Variants in PDE4B observed in about 807,000 individuals in gnomAD.
The protein encoded by PDE4B is phosphodiesterase 4B, also known as 3',5'-cyclic-AMP phosphodiesterase 4B.
A neutral mutation model predicts 82.2 loss-of-function variants in PDE4B; 20 were observed. That is an observed-to-expected ratio of 0.24 (90% confidence interval 0.17 to 0.35). The LOEUF (loss-of-function observed/expected upper bound fraction) is 0.35. Among genes scored for constraint, PDE4B ranks in the 10% least tolerant of loss-of-function variants. PDE4B has a pLI of 1.00. For synonymous variants in PDE4B, 320 were observed against 318.9 expected (o/e 1.00, Z -0.04); for missense variants, 655 against 907.2 (o/e 0.72, Z 3.57).
chr1:66,369,335 T>C (rs1663501637), intron 16 of PDE4B, among the ~76,000 whole-genome samples: 1 of 152,230 alleles, frequency 6.6e-6, no homozygotes, highest in South Asian at 2.1e-4. Flanking sequence ...TCCTCATCCT[T>C]GCTTCCAGCC....
intron 3 of PDE4B, among the ~76,000 whole-genome samples, chr1:66,149,555 C>T (rs1604269): frequency 0.56 from 84,453 of 152,000 alleles, 25,307 homozygotes; most frequent in Non-Finnish European, 0.68. Context: ...TACTCCTGTG[C>T]TTTCTTCTGC....
intron 1 of PDE4B, among the ~76,000 whole-genome samples, chr1:65,882,550 T>C (rs1480014726): frequency 1.3e-5 from 2 of 152,174 alleles, no homozygotes; most frequent in Non-Finnish European, 2.9e-5. Context: ...GAAGACATAA[T>C]GGAATATTAT....
At chr1:65,828,599 A>C (rs1646046069) in intron 1 of PDE4B, among the ~76,000 whole-genome samples, 1 of 152,128 alleles carries the variant, frequency 6.6e-6, no homozygotes, top group Admixed American at 6.5e-5. Flanking sequence ...AAAATTGTAA[A>C]AATATATATT....
At chr1:66,279,103 C>T (rs1656100703) in intron 7 of PDE4B, among the ~76,000 whole-genome samples, 1 of 152,110 alleles carries the variant, frequency 6.6e-6, no homozygotes, top group South Asian at 2.1e-4. Flanking sequence ...AAACCATTTT[C>T]CATATAGGCC....
chr1:66,256,928 A>C (rs1289281070), intron 4 of PDE4B, among the ~76,000 whole-genome samples: 1 of 152,172 alleles, frequency 6.6e-6, no homozygotes, highest in Admixed American at 6.5e-5. Context: ...ATGTGGGTTT[A>C]AGTAGATTTC....
intron 7 of PDE4B, among the ~76,000 whole-genome samples, chr1:66,298,824 A>G (rs931067360): frequency 1.3e-5 from 2 of 152,140 alleles, no homozygotes; most frequent in Admixed American, 1.3e-4. Context: ...TGAGCTCATC[A>G]CTGTAACCTG....
chr1:66,218,337 G>C (rs1186572636), intron 3 of PDE4B, among the ~76,000 whole-genome samples: 1 of 152,112 alleles, frequency 6.6e-6, no homozygotes, highest in Admixed American at 6.6e-5. Context: ...TGGCCTCCAT[G>C]AGTGGGAAAT....
At chr1:66,234,837 G>T (rs1228517818) in intron 3 of PDE4B, among the ~76,000 whole-genome samples, 4 of 151,072 alleles carry the variant, frequency 2.6e-5, no homozygotes, top group African/African-American at 9.7e-5. Context: ...TGATTTATTT[G>T]CTTTTTCTTG....
intron 3 of PDE4B, among the ~76,000 whole-genome samples, chr1:66,186,216 C>A (rs1272988067): frequency 1.3e-5 from 2 of 152,156 alleles, no homozygotes; most frequent in Admixed American, 6.5e-5. Context: ...GTACCAGCAC[C>A]ATGCTGTTTT....
chr1:66,354,564 C>G (rs1662083644), intron 8 of PDE4B: 2 of 1,242,990 alleles, frequency 1.6e-6, no homozygotes, highest in Non-Finnish European at 2.0e-6. Context: ...CAGCTGAATA[C>G]ATTTGGACAG....
At chr1:65,795,439 G>A (rs1189289268) in intron 1 of PDE4B, among the ~76,000 whole-genome samples, 2 of 152,224 alleles carry the variant, frequency 1.3e-5, no homozygotes, top group African/African-American at 4.8e-5. Flanking sequence ...GTTCCTTCAG[G>A]CACTGGCTAT....
At chr1:66,221,467 A>G (rs1650983241) in intron 3 of PDE4B, among the ~76,000 whole-genome samples, 1 of 152,186 alleles carries the variant, frequency 6.6e-6, no homozygotes, top group Non-Finnish European at 1.5e-5. Flanking sequence ...ATGGTACTTT[A>G]CTTTTTATAA....
intron 9 of PDE4B, among the ~76,000 whole-genome samples, chr1:66,357,002 T>G (rs1196098539): frequency 6.6e-6 from 1 of 152,228 alleles, no homozygotes; most frequent in Non-Finnish European, 1.5e-5. Context: ...GATCTTCTGC[T>G]GAGCATTTCA....
At chr1:66,164,459 C>T (rs765425993) in intron 3 of PDE4B, among the ~76,000 whole-genome samples, 3 of 141,056 alleles carry the variant, frequency 2.1e-5, no homozygotes, top group African/African-American at 7.8e-5. Context: ...TTGCTTGAAC[C>T]CGGGTGGCTG....
At chr1:66,247,340 CATACAGTTTTATGT>C (rs1653394082) in intron 3 of PDE4B, 106 bp from the exon 4 acceptor site, 1 of 555,772 alleles carries the variant, frequency 1.8e-6, no homozygotes, top group East Asian at 2.9e-5. Context: ...TTCCATAGTA[CATACAGTTTTATGT>C]AAAATGCTTA....
intron 3 of PDE4B, among the ~76,000 whole-genome samples, chr1:65,970,087 G>C (rs1216654417): frequency 6.6e-6 from 1 of 151,712 alleles, no homozygotes; most frequent in African/African-American, 2.4e-5. Flanking sequence ...ATTAATACTT[G>C]TATTCATTTA....
At chr1:66,091,530 A>G (rs1322430682) in intron 3 of PDE4B, among the ~76,000 whole-genome samples, 3 of 152,078 alleles carry the variant, frequency 2.0e-5, no homozygotes, top group African/African-American at 7.2e-5. Flanking sequence ...TGTTTTTGTT[A>G]TATGCCTGAT....
At chr1:66,203,014 C>G (rs983272866) in intron 3 of PDE4B, among the ~76,000 whole-genome samples, 1 of 152,050 alleles carries the variant, frequency 6.6e-6, no homozygotes, top group Admixed American at 6.6e-5. Context: ...TTTAGTGCTT[C>G]CTTCAGGAGC....
chr1:66,286,449 C>T (rs572412870), intron 7 of PDE4B, among the ~76,000 whole-genome samples: 1 of 152,256 alleles, frequency 6.6e-6, no homozygotes, highest in South Asian at 2.1e-4. Flanking sequence ...GCATTACTTT[C>T]TATGACTGAT....
Sources: allele counts gnomAD v4.1 joint callset (sites outside exome capture counted in the v4.1 genomes callset), GRCh38; gene constraint gnomAD v4.1.1; transcripts MANE v1.5; gene names NCBI Gene and HGNC (gene_info 2026-07-23, HGNC 2026-07-21).